The following SMCHD1 variants were observed in gnomAD, a reference collection of about 807,000 sequenced individuals.
SMCHD1 encodes structural maintenance of chromosomes flexible hinge domain containing 1, also known as structural maintenance of chromosomes flexible hinge domain-containing protein 1.
Under a neutral mutation model 254.7 loss-of-function variants are expected in SMCHD1, and 78 were observed. The observed-to-expected ratio is 0.31, with a 90% CI of 0.26 to 0.37. SMCHD1 has a LOEUF of 0.37. SMCHD1 is among the 10% of genes least tolerant of loss of function. The pLI is 1.00. For missense variants in SMCHD1, 1,840 were observed against 2,408.1 expected (o/e 0.76, Z 4.94); for synonymous variants, 766 against 794.9 (o/e 0.96, Z 0.61).
chr18:2,740,527 C>T (rs766630825), intron 27 of SMCHD1, among the ~76,000 whole-genome samples, 176 bp from the exon 28 acceptor site: 3 of 151,702 alleles, frequency 2.0e-5, no homozygotes, highest in Non-Finnish European at 4.4e-5. Context: ...TATGTAAATT[C>T]TTGATGTTTA....
At chr18:2,793,414 A>G (rs1307734399) in intron 45 of SMCHD1, among the ~76,000 whole-genome samples, 1 of 152,162 alleles carries the variant, frequency 6.6e-6, no homozygotes, top group African/African-American at 2.4e-5. Context: ...CTGTAATCCC[A>G]GCACTTTGGG....
At chr18:2,677,050 C>T (rs557901108) in intron 5 of SMCHD1, among the ~76,000 whole-genome samples, 9 of 151,998 alleles carry the variant, frequency 5.9e-5, no homozygotes, top group Non-Finnish European at 1.2e-4. Context: ...TTCAATTTTT[C>T]TGTAGTGTTC....
Position 2,708,884 on chromosome 18 carries a change from ATATATATATATATATATATATAT to A in SMCHD1, c.2260+965_2260+987del, listed in dbSNP as rs1568198258. ...AATAACTTCATATATATATATATAT[ATATATATATATATATATATATAT>A]AACATATTAACATGAAATTTATGAA... On this transcript the variant is annotated intron_variant, in intron 17 of 47. Coordinates refer to ENST00000320876, the MANE Select transcript of SMCHD1 (RefSeq NM_015295.3). Among the ~76,000 whole-genome samples the A allele has an allele frequency of 9.1e-4, 63 of 68,946 alleles. 5 individuals carry two copies. The highest frequency in any genetic ancestry group is 2.8e-3 in the African/African-American group (36 of 13,070). 45.2% of individuals were successfully genotyped at this position (68,946 alleles called of 152,430 possible). A position where few individuals can be genotyped will look rare whatever the true frequency, so the allele number is the denominator to read the frequency against.
chr18:2,681,892 C>T (rs918814411), intron 5 of SMCHD1, among the ~76,000 whole-genome samples: 1 of 152,052 alleles, frequency 6.6e-6, no homozygotes, highest in Non-Finnish European at 1.5e-5. Context: ...TGACCCATGC[C>T]GTATGTATTT....
rs534527273 is a variant in SMCHD1, at chr18:2,733,521, C to T, written c.3276+1029C>T. 3.0e-3 allele frequency among the ~76,000 whole-genome samples: 455 copies of T among 152,280 alleles called. 8 individuals are homozygous for T. Among genetic ancestry groups the T allele is most frequent in the African/African-American group, 0.01 (435 of 41,550 alleles). On this transcript the variant is annotated intron_variant, in intron 25 of 47. Transcript: ENST00000320876. ...TTTAACAGTCTGTGGATGAGCGTGGCTCATTAACACATAGTCAACTGAGGT... is the reference window on the plus strand; with the variant it reads ...TTTAACAGTCTGTGGATGAGCGTGGTTCATTAACACATAGTCAACTGAGGT...
chr18:2,721,022 A>C (rs556992368), intron 19 of SMCHD1, among the ~76,000 whole-genome samples: 2 of 152,318 alleles, frequency 1.3e-5, no homozygotes, highest in African/African-American at 4.8e-5. Context: ...GTCGTTGACT[A>C]GCACATGCAT....
intron 4 of SMCHD1, among the ~76,000 whole-genome samples, 191 bp downstream of exon 4, chr18:2,673,554 G>A (rs943949490): frequency 1.8e-4 from 28 of 151,888 alleles, no homozygotes; most frequent in African/African-American, 6.5e-4. Flanking sequence ...TGTACCTTTG[G>A]TTTTTTGTAA....
intron 17 of SMCHD1, among the ~76,000 whole-genome samples, chr18:2,713,497 A>C (rs181769988): frequency 6.6e-6 from 1 of 151,402 alleles, no homozygotes; most frequent in East Asian, 2.0e-4. Context: ...TGGTCTGGCC[A>C]ACATGGTGAA....
intron 24 of SMCHD1, among the ~76,000 whole-genome samples, chr18:2,730,827 T>C (rs1292397458): frequency 6.6e-6 from 1 of 152,266 alleles, no homozygotes; most frequent in Non-Finnish European, 1.5e-5. Context: ...TCCAGTTCTT[T>C]TTAAGCTTGT....
intron 10 of SMCHD1, among the ~76,000 whole-genome samples, chr18:2,699,732 G>A (rs187292463): frequency 1.3e-5 from 2 of 152,322 alleles, no homozygotes; most frequent in South Asian, 2.1e-4. Context: ...AAAAAGAAGA[G>A]CAAGTAAGTT....
intron 5 of SMCHD1, among the ~76,000 whole-genome samples, chr18:2,685,395 G>C (rs1342054661): frequency 1.3e-5 from 2 of 151,974 alleles, no homozygotes; most frequent in Non-Finnish European, 2.9e-5. Context: ...CACCGCACCT[G>C]GCCTATTCTG....
At chr18:2,699,992 CTT>C (rs1387404619) in intron 10 of SMCHD1, among the ~76,000 whole-genome samples, 1 of 152,206 alleles carries the variant, frequency 6.6e-6, no homozygotes, top group Admixed American at 6.5e-5. Flanking sequence ...AATTAATGCT[CTT>C]GATGCATAGT....
chr18:2,775,135 G>A (rs1451981973), intron 41 of SMCHD1, among the ~76,000 whole-genome samples: 1 of 126,694 alleles, frequency 7.9e-6, no homozygotes. Flanking sequence ...CTGTAGTGCA[G>A]TGGCACAATC....
rs549533754 is a variant in SMCHD1, at chr18:2,732,692, A to G, written c.3276+200A>G. On this transcript the variant is annotated intron_variant, in intron 25 of 47. Transcript: ENST00000320876. ...CAAATGATTCATATGTGACAAAATT[A>G]TACTTAGAAAAATGATTTTGACACT... 2.6e-5 allele frequency among the ~76,000 whole-genome samples: 4 copies of G among 152,318 alleles called. No homozygotes were observed. In the East Asian group the frequency reaches 7.7e-4, roughly 29 times the overall value.
chr18:2,663,721 A>ATTTTTT (rs577543378), intron 1 of SMCHD1, among the ~76,000 whole-genome samples: 16,055 of 146,340 alleles, frequency 0.11, 2,165 homozygotes, highest in African/African-American at 0.33. Flanking sequence ...TATTCCAGGA[A>ATTTTTT]TTTTTTTTTT....
At chr18:2,722,709 G>A in intron 20 of SMCHD1, 46 bp downstream of exon 20, 3 of 1,505,338 alleles carry the variant, frequency 2.0e-6, no homozygotes, top group South Asian at 1.4e-5. Flanking sequence ...TATTTGCTAA[G>A]CATTTACTCT....
intron 37 of SMCHD1, among the ~76,000 whole-genome samples, chr18:2,768,675 ATATAC>A: frequency 6.6e-6 from 1 of 150,896 alleles, no homozygotes; most frequent in South Asian, 2.1e-4. Context: ...ATAGTGTACT[ATATAC>A]TATACTACTA....
Position 2,706,375 on chromosome 18 carries a change from A to C in SMCHD1, c.1968A>C (p.Ala656=). 6.4e-7 allele frequency: 1 copy of C among 1,574,428 alleles called. No homozygotes were observed. Among genetic ancestry groups the C allele is most frequent in the Non-Finnish European group, 8.6e-7 (1 of 1,158,856 alleles). ...GEVQIAMEPQ[A]LYDEVRTVPI... Reference sequence around the variant, plus strand: ...ATGTATTTATTCAGGAACCTCAGGCACTATATGATGAAGTAAGAACTGTGC... The same window carrying C: ...ATGTATTTATTCAGGAACCTCAGGCCCTATATGATGAAGTAAGAACTGTGC... Residue 656 remains alanine (A), a synonymous_variant, in exon 15 of 48, where the codon GCA becomes GCC. Coordinates refer to ENST00000320876, the MANE Select transcript of SMCHD1 (RefSeq NM_015295.3).
Position 2,700,660 on chromosome 18 carries a change from G to GT in SMCHD1, c.1463+2dup. On this transcript the variant is annotated splice_donor_variant, in intron 11 of 47. Coordinates refer to ENST00000320876, the MANE Select transcript of SMCHD1 (RefSeq NM_015295.3). LOFTEE classifies it high-confidence loss of function. ...TAATACCATATACATCAGTTGAAGA[G>GT]TAAGTTTGATTTTTGCTGAAATTAT... 1 of 1,603,866 alleles carries GT rather than the reference G, an allele frequency of 6.2e-7. No homozygotes were observed. The highest frequency in any genetic ancestry group is 8.5e-7 in the Non-Finnish European group (1 of 1,176,156).
Sources: allele counts gnomAD v4.1 joint callset (sites outside exome capture counted in the v4.1 genomes callset), GRCh38; gene constraint gnomAD v4.1.1; transcripts MANE v1.5; gene names NCBI Gene and HGNC (gene_info 2026-07-23, HGNC 2026-07-21).